Variants in PLEKHS1 observed in about 807,000 individuals in gnomAD.
PLEKHS1 encodes the protein pleckstrin homology domain-containing family S member 1.
In PLEKHS1, 55 loss-of-function variants were observed where a neutral mutation model predicts 51.0. That is an observed-to-expected ratio of 1.08 (90% CI 0.87 to 1.35). The LOEUF (loss-of-function observed/expected upper bound fraction) is 1.35, where lower values mean the gene tolerates loss of function less well. Ranked by LOEUF, PLEKHS1 falls within the 40% of genes most tolerant of loss-of-function variation. PLEKHS1 has a pLI of 0.00. For synonymous variants in PLEKHS1, 153 were observed against 144.8 expected (o/e 1.06, Z -0.41); for missense variants, 398 against 423.0 (o/e 0.94, Z 0.52).
intron 2 of PLEKHS1, among the ~76,000 whole-genome samples, chr10:113,757,934 T>G (rs946881113): frequency 1.3e-5 from 2 of 152,264 alleles, no homozygotes; most frequent in African/African-American, 4.8e-5. Flanking sequence ...CAGCTCCTCA[T>G]CTGTTGAAGT....
chr10:113,775,566 T>C (rs767751997), intron 10 of PLEKHS1, among the ~76,000 whole-genome samples, 199 bp from the exon 11 acceptor site: 1 of 152,190 alleles, frequency 6.6e-6, no homozygotes, highest in Non-Finnish European at 1.5e-5. Context: ...TTCCCTCTGT[T>C]CCCATAGCCT....
chr10:113,772,188 G>T (rs1427387253), intron 8 of PLEKHS1, 99 bp downstream of exon 8: 12 of 1,284,218 alleles, frequency 9.3e-6, no homozygotes, highest in Middle Eastern at 1.8e-4. Context: ...TGGTCAGTGG[G>T]AACACAGAAG....
At chr10:113,761,198 G>A (rs1158368790) in intron 2 of PLEKHS1, among the ~76,000 whole-genome samples, 1 of 152,142 alleles carries the variant, frequency 6.6e-6, no homozygotes. Flanking sequence ...TTTGTAGTAA[G>A]TTTTGAAATT....
intron 1 of PLEKHS1, among the ~76,000 whole-genome samples, chr10:113,752,652 T>C (rs1285491189): frequency 6.6e-6 from 1 of 152,158 alleles, no homozygotes; most frequent in Non-Finnish European, 1.5e-5. Context: ...TCATAATTCA[T>C]GGAGATGAAA....
chr10:113,782,550 G>A (rs1366151110), downstream of PLEKHS1: 1 of 152,176 alleles, frequency 6.6e-6, no homozygotes, highest in Admixed American at 6.5e-5. Flanking sequence ...GAGTTCTCAC[G>A]AAGGAGTTAG....
chr10:113,775,875 G>C lies in PLEKHS1; in HGVS notation c.1091+9G>C, dbSNP rs373192160. 6.3e-7 allele frequency: 1 copy of C among 1,577,980 alleles called. No homozygotes were observed. Among genetic ancestry groups the C allele is most frequent in the Admixed American group, 1.7e-5 (1 of 58,348 alleles). On this transcript the variant is annotated intron_variant, in intron 11 of 11. Transcript: ENST00000361048. ...GCCACAGGACGGATATGGTAGGTTG[G>C]AGATTTGACTGTTGTGGATTATAAA...
At chr10:113,775,723 G>A (rs754153076) in intron 10 of PLEKHS1, 42 bp from the exon 11 acceptor site, 24 of 1,415,110 alleles carry the variant, frequency 1.7e-5, no homozygotes, top group Non-Finnish European at 1.3e-5. Flanking sequence ...GAGAGCCAAG[G>A]TCAGTTGCCT....
chr10:113,755,767 T>C (rs1458096951), intron 2 of PLEKHS1, among the ~76,000 whole-genome samples: 5 of 152,210 alleles, frequency 3.3e-5, no homozygotes, highest in East Asian at 1.9e-4. Flanking sequence ...TTGGAGAATG[T>C]AGCAGGAACT....
intron 1 of PLEKHS1, among the ~76,000 whole-genome samples, chr10:113,754,870 C>T (rs1176242831): frequency 1.3e-5 from 2 of 152,222 alleles, no homozygotes; most frequent in Non-Finnish European, 2.9e-5. Flanking sequence ...GCCAGTGATG[C>T]TTTCTCGGCT....
exon 12 of PLEKHS1, chr10:113,780,768 G>C (rs944396348): frequency 2.6e-6 from 4 of 1,555,338 alleles, no homozygotes; most frequent in Non-Finnish European, 3.5e-6. Flanking sequence ...CAGCAGAAAG[G>C]AGCCAGGGAG....
rs1854054694 is a variant in PLEKHS1 at position 113,755,244 on chromosome 10, C to A, written c.-19-15C>A. 1 of 1,602,188 alleles carries A rather than the reference C, an allele frequency of 6.2e-7. No homozygotes were observed. The highest frequency in any genetic ancestry group is 8.5e-7 in the Non-Finnish European group (1 of 1,175,176). ...GTGTTGTTTGGGGACTAACACTAAC[C>A]CTTCCTTTTGACAGGGGAGGACACA... is the stretch of plus-strand genomic sequence containing the variant. On this transcript the variant is annotated splice_polypyrimidine_tract_variant and intron_variant, in intron 1 of 11. Transcript: ENST00000361048.
At chr10:113,777,506 G>A (rs1432604379) in intron 11 of PLEKHS1, 1 of 1,566,988 alleles carries the variant, frequency 6.4e-7, no homozygotes, top group Non-Finnish European at 8.7e-7. Flanking sequence ...TCGGCATGAT[G>A]TAGCAAAAAG....
chr10:113,782,409 T>C lies in PLEKHS1; in HGVS notation c.*1807T>C, dbSNP rs141917249. ...GTTACCCAGATTGTTCGGAAAGTAT[T>C]AAAAATTTTTCATTTACATGCTGAT... On this transcript the variant is annotated 3_prime_UTR_variant, in exon 12 of 12. Coordinates refer to ENST00000361048, the Ensembl canonical transcript of PLEKHS1. The C allele has an allele frequency of 2.6e-4, 40 of 152,270 alleles. No homozygotes were observed. The East Asian group carries it at 7.5e-3, about 29-fold the overall frequency. 9.4% of individuals were successfully genotyped at this position (152,270 alleles called of 1,614,324 possible). A position where few individuals can be genotyped will look rare whatever the true frequency, so the allele number is the denominator to read the frequency against.
At chr10:113,771,910 T>G (rs1478555328) in intron 7 of PLEKHS1, 60 bp from the exon 8 acceptor site, 2 of 1,552,094 alleles carry the variant, frequency 1.3e-6, no homozygotes, top group Non-Finnish European at 1.7e-6. Flanking sequence ...CTAGAATGCA[T>G]GTGATTTAAT....
intron 8 of PLEKHS1, among the ~76,000 whole-genome samples, chr10:113,773,577 C>G (rs1844514266): frequency 6.6e-6 from 1 of 152,072 alleles, no homozygotes; most frequent in South Asian, 2.1e-4. Flanking sequence ...AGATGGCACT[C>G]GAGGTGAAGA....
chr10:113,771,782 T>G (rs886712501), intron 7 of PLEKHS1, among the ~76,000 whole-genome samples, 188 bp from the exon 8 acceptor site: 1 of 152,084 alleles, frequency 6.6e-6, no homozygotes, highest in African/African-American at 2.4e-5. Context: ...TGCTTATATG[T>G]TTTCATCCTC....
chr10:113,759,920 A>C (rs1041321234), intron 2 of PLEKHS1, among the ~76,000 whole-genome samples: 24 of 152,198 alleles, frequency 1.6e-4, no homozygotes, highest in African/African-American at 5.8e-4. Context: ...CAATTTAATA[A>C]GTTTTGGCAA....
chr10:113,762,531 A>G (rs1843988960), intron 2 of PLEKHS1, among the ~76,000 whole-genome samples: 1 of 151,164 alleles, frequency 6.6e-6, no homozygotes, highest in Non-Finnish European at 1.5e-5. Context: ...AAATTCTGAT[A>G]CCTTGTGTTT....
downstream of PLEKHS1, chr10:113,783,079 T>C (rs950817356): frequency 2.0e-5 from 3 of 151,894 alleles, no homozygotes; most frequent in East Asian, 5.8e-4. Context: ...CTACTAAAAA[T>C]ACAAAACTAG....
Sources: gnomAD v4.1 joint callset for allele counts (sites outside exome capture counted in the v4.1 genomes callset) on GRCh38, gnomAD v4.1.1 for gene constraint, MANE v1.5 for transcripts, NCBI Gene and HGNC (gene_info 2026-07-23, HGNC 2026-07-21) for gene names.